The following FLT1 variants were observed in gnomAD, a reference collection of about 807,000 sequenced individuals.
FLT1 encodes vascular endothelial growth factor receptor 1.
A neutral mutation model predicts 156.3 loss-of-function variants in FLT1; 49 were observed. That is an observed-to-expected ratio of 0.31 (90% confidence interval 0.25 to 0.40). FLT1 has a LOEUF of 0.40. Among genes scored for constraint, FLT1 ranks in the 10% least tolerant of loss-of-function variants. The pLI is 1.00. For missense variants in FLT1, 1,322 were observed against 1,637.2 expected (o/e 0.81, Z 3.32); for synonymous variants, 594 against 583.8 (o/e 1.02, Z -0.25).
intron 13 of FLT1, chr13:28,385,863 T>G: frequency 9.5e-7 from 1 of 1,052,640 alleles, no homozygotes; most frequent in Non-Finnish European, 1.1e-6. Flanking sequence ...GTACAGTATA[T>G]CTCTAATGAA....
Position 28,333,949 on chromosome 13 carries a change from T to C in FLT1, c.2593+76A>G, listed in dbSNP as rs979144574. ...AAAGCTTGTGTCTGTTCCCAGGCTA[T>C]ATCTAACTTGTACCAACATTTAGGA... On this transcript the variant is annotated intron_variant, in intron 18 of 29. Transcript: ENST00000282397. The C allele has an allele frequency of 3.1e-5, 29 of 932,636 alleles. No individual in the cohort carries two copies. The African/African-American group carries it at 4.3e-4, about 14-fold the overall frequency. The allele number at this position is 932,636 out of a possible 1,614,324, so 57.8% of individuals were successfully genotyped here.
chr13:28,341,779 C>G (rs1046144329), intron 16 of FLT1, among the ~76,000 whole-genome samples: 4 of 152,186 alleles, frequency 2.6e-5, no homozygotes, highest in African/African-American at 4.8e-5. Flanking sequence ...ATAATGATCT[C>G]TTGCTCTCAT....
chr13:28,479,870 AAAC>A (rs1880742945), intron 1 of FLT1, among the ~76,000 whole-genome samples: 1 of 152,216 alleles, frequency 6.6e-6, no homozygotes, highest in South Asian at 2.1e-4. Context: ...GATAGAAGAA[AAAC>A]AACAATTTCT....
At chr13:28,389,559 A>C in intron 13 of FLT1, 1 of 1,435,654 alleles carries the variant, frequency 7.0e-7, no homozygotes, top group South Asian at 1.5e-5. Context: ...GGGGGCCCAG[A>C]GCTGGGGCCC....
At position 28,430,064 on chromosome 13, in the gene FLT1, C is replaced by G; in HGVS notation, c.1092G>C (p.Ser364=). ...RLSMKVKAFP[S]PEVVWLKDGL... The stretch of plus-strand genomic sequence containing the variant: ...GATGGTCCTACCATACAACTTCCGG[C>G]GAGGGAAATGCCTTCACTTTCATAG... The change falls in exon 8 of 30, where the codon TCG becomes TCC. Residue 364 remains serine, a synonymous_variant. Coordinates refer to ENST00000282397, the MANE Select transcript of FLT1 (RefSeq NM_002019.4). The G allele has an allele frequency of 6.2e-7, 1 of 1,610,046 alleles. No individual in the cohort carries two copies.
At chr13:28,335,686 A>G (rs1872091344) in intron 17 of FLT1, among the ~76,000 whole-genome samples, 1 of 152,188 alleles carries the variant, frequency 6.6e-6, no homozygotes, top group African/African-American at 2.4e-5. Flanking sequence ...TTCAGAGAGA[A>G]CACTGGGGAG....
chr13:28,380,707 T>C (rs1303005555), intron 14 of FLT1, among the ~76,000 whole-genome samples: 1 of 152,090 alleles, frequency 6.6e-6, no homozygotes, highest in Non-Finnish European at 1.5e-5. Flanking sequence ...GGGGAGAATC[T>C]GTATTATTTT....
At chr13:28,465,101 G>A (rs1433346496) in intron 3 of FLT1, among the ~76,000 whole-genome samples, 2 of 152,176 alleles carry the variant, frequency 1.3e-5, no homozygotes, top group African/African-American at 4.8e-5. Flanking sequence ...ACTATCAAGC[G>A]TGTTGTCTTT....
chr13:28,470,702 A>G (rs1293472100), intron 1 of FLT1, among the ~76,000 whole-genome samples: 3 of 152,004 alleles, frequency 2.0e-5, no homozygotes, highest in Non-Finnish European at 4.4e-5. Context: ...TTATTTACTT[A>G]TTTTTGAGAT....
intron 14 of FLT1, among the ~76,000 whole-genome samples, chr13:28,372,814 G>A (rs976885547): frequency 1.3e-5 from 2 of 151,374 alleles, no homozygotes; most frequent in Non-Finnish European, 2.9e-5. Flanking sequence ...CCCAGGAGGC[G>A]GAGCTTGCAG....
chr13:28,301,787 A>G lies in FLT1; in HGVS notation c.*1380T>C. 1.7e-5 allele frequency: 4 copies of G among 233,486 alleles called. No homozygotes were observed. Among genetic ancestry groups the G allele is most frequent in the Non-Finnish European group, 3.4e-5 (4 of 117,942 alleles). The allele number at this position is 233,486 out of a possible 1,614,324, so 14.5% of individuals were successfully genotyped here. A position where few individuals can be genotyped will look rare whatever the true frequency, so the allele number is the denominator to read the frequency against. Reference sequence around the variant, plus strand: ...GTCTCCCTATTCCCATCATGCTCAGACCCCAGGCAAGTTTCAAAGCAGTTG... The same window carrying G: ...GTCTCCCTATTCCCATCATGCTCAGGCCCCAGGCAAGTTTCAAAGCAGTTG... On this transcript the variant is annotated 3_prime_UTR_variant, in exon 30 of 30. Coordinates refer to ENST00000282397, the MANE Select transcript of FLT1 (RefSeq NM_002019.4).
intron 10 of FLT1, among the ~76,000 whole-genome samples, chr13:28,415,291 C>T (rs536074229): frequency 7.9e-5 from 12 of 152,070 alleles, no homozygotes; most frequent in Non-Finnish European, 1.6e-4. Flanking sequence ...ACCAGCCTGA[C>T]CAACATGGAG....
chr13:28,481,318 C>T (rs1393770843), intron 1 of FLT1, among the ~76,000 whole-genome samples: 8 of 152,132 alleles, frequency 5.3e-5, no homozygotes, highest in Admixed American at 3.3e-4. Flanking sequence ...CCAGCTTAGC[C>T]AAAAATGAGA....
intron 14 of FLT1, among the ~76,000 whole-genome samples, chr13:28,358,000 C>T (rs1465043733): frequency 6.6e-6 from 1 of 151,766 alleles, no homozygotes; most frequent in Non-Finnish European, 1.5e-5. Flanking sequence ...CTGCCATGCC[C>T]AACTTGAAAG....
intron 17 of FLT1, among the ~76,000 whole-genome samples, chr13:28,335,524 T>C (rs1412274793): frequency 6.6e-6 from 1 of 152,230 alleles, no homozygotes; most frequent in East Asian, 1.9e-4. Context: ...TATGCCCAAC[T>C]ACTCAGTGAC....
chr13:28,481,012 A>G (rs975331200), intron 1 of FLT1, among the ~76,000 whole-genome samples: 1 of 152,228 alleles, frequency 6.6e-6, no homozygotes, highest in Non-Finnish European at 1.5e-5. Context: ...AGTACCACAC[A>G]TGACCCAGAG....
At chr13:28,344,209 G>T (rs116342089) in intron 16 of FLT1, among the ~76,000 whole-genome samples, 3 of 151,346 alleles carry the variant, frequency 2.0e-5, no homozygotes, top group Non-Finnish European at 4.4e-5. Flanking sequence ...AGGCCTTGCC[G>T]CTTTCCCTTC....
chr13:28,323,765 G>C (rs1289379602), intron 20 of FLT1, among the ~76,000 whole-genome samples: 1 of 152,090 alleles, frequency 6.6e-6, no homozygotes, highest in Non-Finnish European at 1.5e-5. Context: ...ATCACTGAGA[G>C]GAAAGGATCC....
At chr13:28,403,086 G>A (rs1429691695) in intron 11 of FLT1, among the ~76,000 whole-genome samples, 2 of 152,158 alleles carry the variant, frequency 1.3e-5, no homozygotes, top group Non-Finnish European at 2.9e-5. Flanking sequence ...GAGGCACTGC[G>A]TCTGGCCTTC....
Sources: gnomAD v4.1 joint callset for allele counts (sites outside exome capture counted in the v4.1 genomes callset) on GRCh38, gnomAD v4.1.1 for gene constraint, MANE v1.5 for transcripts, NCBI Gene and HGNC (gene_info 2026-07-23, HGNC 2026-07-21) for gene names.